The following WDR27 variants were observed in gnomAD, a reference collection of about 807,000 sequenced individuals.
WDR27 encodes WD repeat-containing protein 27.
WDR27 carries 100 observed loss-of-function variants against 114.4 expected under a neutral mutation model. That is an observed-to-expected ratio of 0.87 (90% confidence interval 0.74 to 1.03). The LOEUF is 1.03. Among genes scored for constraint, WDR27 ranks in the 50% least tolerant of loss-of-function variants. The pLI is 0.00. For synonymous variants in WDR27, 449 were observed against 423.1 expected, an observed-to-expected ratio of 1.06 and a Z score of -0.75; for missense variants, 1,129 against 1,092.9, an observed-to-expected ratio of 1.03 and a Z score of -0.47.
intron 13 of WDR27, among the ~76,000 whole-genome samples, chr6:169,654,911 T>G (rs1240328155): frequency 1.3e-5 from 2 of 152,140 alleles, no homozygotes; most frequent in Non-Finnish European, 2.9e-5. Context: ...GGGTGTTTCT[T>G]TAGTGACAGT....
intron 25 of WDR27, among the ~76,000 whole-genome samples, chr6:169,459,684 T>G (rs1045523240): frequency 2.1e-4 from 32 of 152,004 alleles, no homozygotes; most frequent in African/African-American, 7.5e-4. Flanking sequence ...AAGAGAGAAT[T>G]CTGGAAGGAA....
chr6:169,561,524 A>G lies in WDR27; in HGVS notation c.2645+10895T>C, dbSNP rs115070583. Among the ~76,000 whole-genome samples, 1,340 of 152,366 alleles carry G rather than the reference A, an allele frequency of 8.8e-3. 20 individuals are homozygous for G. The highest frequency in any genetic ancestry group is 0.031 in the African/African-American group (1,269 of 41,588). On this transcript the variant is annotated intron_variant, in intron 25 of 25. Transcript: ENST00000448612. ...AATAGAATACCACAGCTAAAGATTT[A>G]TACTTTAAATTAAAGAAACCTCAAA...
chr6:169,616,633 G>T (rs1811887651), intron 21 of WDR27, among the ~76,000 whole-genome samples: 1 of 152,144 alleles, frequency 6.6e-6, no homozygotes, highest in South Asian at 2.1e-4. Flanking sequence ...ACAAGGGTGA[G>T]TCAATGAATA....
chr6:169,581,592 A>G (rs1803436461), intron 24 of WDR27, among the ~76,000 whole-genome samples: 1 of 152,226 alleles, frequency 6.6e-6, no homozygotes, highest in Non-Finnish European at 1.5e-5. Flanking sequence ...GGGAAGGAAA[A>G]CATAAATTCA....
intron 25 of WDR27, among the ~76,000 whole-genome samples, chr6:169,568,664 AC>A (rs1443281951): frequency 2.0e-5 from 3 of 152,210 alleles, no homozygotes; most frequent in African/African-American, 7.2e-5. Flanking sequence ...AACAGGGAAG[AC>A]CCAACTTTCC....
In WDR27 at chr6:169,613,595, C is replaced by T. The variant is rs770676751; in HGVS notation, c.2285G>A (p.Gly762Asp). 1.2e-6 allele frequency: 2 copies of T among 1,613,848 alleles called. No homozygotes were observed. The highest frequency in any genetic ancestry group is 1.7e-6 in the Non-Finnish European group (2 of 1,179,822). The change falls in exon 22 of 26, where the codon GGC becomes GAC. Residue 762 changes from glycine to aspartate, a missense_variant. By Grantham distance (94) the Gly-to-Asp change is moderately conservative. Coordinates refer to ENST00000448612, the MANE Select transcript of WDR27 (RefSeq NM_182552.5). ...AYNLFLTTAI[G>D]DGMRLWDLRT... ...CAGGTCCCACAGTCTCATCCCATCG[C>T]CAATGGCCGTGGTCAGGAAAAGGTT...
At chr6:169,631,131 C>G (rs1222935480) in intron 21 of WDR27, among the ~76,000 whole-genome samples, 2 of 152,146 alleles carry the variant, frequency 1.3e-5, no homozygotes, top group Non-Finnish European at 2.9e-5. Flanking sequence ...AGCACTGATT[C>G]AACTAATTCA....
chr6:169,613,621 A>G lies in WDR27; in HGVS notation c.2259T>C (p.Tyr753=), dbSNP rs1248641774. ...SSFTTQQPQA[Y]NLFLTTAIGD... is the part of the protein sequence containing the mutation. ...CAATGGCCGTGGTCAGGAAAAGGTTATAAGCCTGAGGCTGTTGGGTTGTAA... is the reference window on the plus strand; with the variant it reads ...CAATGGCCGTGGTCAGGAAAAGGTTGTAAGCCTGAGGCTGTTGGGTTGTAA... The change falls in exon 22 of 26, where the codon TAT becomes TAC. Residue 753 remains tyrosine, a synonymous_variant. Transcript: ENST00000448612. The G allele has an allele frequency of 2.5e-6, 4 of 1,613,902 alleles. No homozygotes were observed. Among genetic ancestry groups the G allele is most frequent in the South Asian group, 1.1e-5 (1 of 91,064 alleles).
At chr6:169,595,941 C>A (rs570112390) in intron 23 of WDR27, among the ~76,000 whole-genome samples, 33 of 152,050 alleles carry the variant, frequency 2.2e-4, no homozygotes, top group Non-Finnish European at 3.8e-4. Context: ...ACATTCTTCC[C>A]AATGTTTTTT....
chr6:169,633,495 C>T (rs11965989), intron 20 of WDR27, among the ~76,000 whole-genome samples: 314 of 152,326 alleles, frequency 2.1e-3, no homozygotes, highest in African/African-American at 7.2e-3. Flanking sequence ...GCAGGCTTCA[C>T]GATGGGAGAC....
chr6:169,503,322 T>A (rs1478749639), intron 25 of WDR27, among the ~76,000 whole-genome samples: 1 of 152,150 alleles, frequency 6.6e-6, no homozygotes, highest in Non-Finnish European at 1.5e-5. Context: ...TCATACAACA[T>A]AAGAGAATGT....
Position 169,672,248 on chromosome 6 carries a change from C to T in WDR27, c.331+7G>A. The T allele has an allele frequency of 6.2e-7, 1 of 1,611,230 alleles. No individual in the cohort carries two copies. The highest frequency in any genetic ancestry group is 1.1e-5 in the South Asian group (1 of 90,382). On this transcript the variant is annotated splice_region_variant and intron_variant, in intron 3 of 25. Transcript: ENST00000448612. Reference sequence around the variant, plus strand: ...TTTTTAAAAACATGTTTTAGATTTTCATTTACCTTGAAGTACTTTCTCTCT... The same window carrying T: ...TTTTTAAAAACATGTTTTAGATTTTTATTTACCTTGAAGTACTTTCTCTCT...
intron 1 of WDR27, among the ~76,000 whole-genome samples, chr6:169,698,498 G>C (rs900813870): frequency 2.0e-5 from 3 of 152,204 alleles, no homozygotes; most frequent in Admixed American, 2.0e-4. Context: ...CCATTGAACA[G>C]AGGTCAGATG....
In WDR27 at chr6:169,638,572, C is replaced by T; in HGVS notation, c.1836G>A (p.Trp612Ter). ...GTGCGAGCTCTGCCCCACGAGCCGA[C>T]CACATTCGCAGGGTCCCGTCCCGGG... ...SAARDGTLRM[W>*]SARGAELALL... Residue 612 changes from tryptophan (W) to a stop codon, truncating the protein, a stop_gained, in exon 18 of 26, where the codon TGG (tryptophan) becomes TGA (stop). Coordinates refer to ENST00000448612, the MANE Select transcript of WDR27 (RefSeq NM_182552.5). LOFTEE classifies it high-confidence loss of function. The T allele has an allele frequency of 1.9e-6, 3 of 1,610,974 alleles. No homozygotes were observed. Among genetic ancestry groups the T allele is most frequent in the South Asian group, 1.1e-5 (1 of 90,374 alleles).
In WDR27 at chr6:169,655,912, C is replaced by T. The variant is rs144736460; in HGVS notation, c.1402+2364G>A. Reference sequence around the variant, plus strand: ...ATTTTTCTTGTATTTTTAGTAGAGACGGGGTTTCAGCGTGTTAGCCATGAT... The same window carrying T: ...ATTTTTCTTGTATTTTTAGTAGAGATGGGGTTTCAGCGTGTTAGCCATGAT... On this transcript the variant is annotated intron_variant, in intron 13 of 25. Coordinates refer to ENST00000448612, the MANE Select transcript of WDR27 (RefSeq NM_182552.5). Among the ~76,000 whole-genome samples, 7 of 152,252 alleles carry T rather than the reference C, an allele frequency of 4.6e-5. No homozygotes were observed. In the East Asian group the frequency reaches 5.8e-4, roughly 13 times the overall value.
At chr6:169,509,521 C>A (rs371753441) in intron 25 of WDR27, among the ~76,000 whole-genome samples, 2 of 151,700 alleles carry the variant, frequency 1.3e-5, no homozygotes, top group Non-Finnish European at 2.9e-5. Flanking sequence ...CAAAAACAAG[C>A]AATGGGGAAA....
intron 22 of WDR27, among the ~76,000 whole-genome samples, chr6:169,605,182 C>T (rs1808881189): frequency 6.8e-6 from 1 of 147,500 alleles, no homozygotes; most frequent in South Asian, 2.2e-4. Context: ...ATTATCCCTG[C>T]TCACTGATAA....
intron 2 of WDR27, among the ~76,000 whole-genome samples, chr6:169,679,205 T>C (rs760929639): frequency 2.8e-4 from 43 of 152,332 alleles, no homozygotes; most frequent in East Asian, 7.7e-4. Flanking sequence ...CCCTGAAATA[T>C]ATAAAATGAA....
At chr6:169,479,357 G>A (rs768331100) in intron 25 of WDR27, among the ~76,000 whole-genome samples, 25 of 152,032 alleles carry the variant, frequency 1.6e-4, no homozygotes, top group African/African-American at 3.4e-4. Context: ...ATACCAATCA[G>A]AATGGCTATT....
Sources: gnomAD v4.1 joint callset for allele counts (sites outside exome capture counted in the v4.1 genomes callset) on GRCh38, gnomAD v4.1.1 for gene constraint, MANE v1.5 for transcripts, NCBI Gene and HGNC (gene_info 2026-07-23, HGNC 2026-07-21) for gene names.